The following FARP1 variants were observed in gnomAD, a reference collection of about 807,000 sequenced individuals.
FARP1 encodes FERM, ARH/RhoGEF and pleckstrin domain protein 1.
In FARP1, 52 loss-of-function variants were observed where a neutral mutation model predicts 128.8. That is an observed-to-expected ratio of 0.40 (90% CI 0.32 to 0.51). FARP1 has a LOEUF of 0.51. Among genes scored for constraint, FARP1 ranks in the 20% least tolerant of loss-of-function variants. FARP1 has a pLI of 0.45. For missense variants in FARP1, 1,333 were observed against 1,367.9 expected, an observed-to-expected ratio of 0.97 and a Z score of 0.40; for synonymous variants, 580 against 551.8, an observed-to-expected ratio of 1.05 and a Z score of -0.72.
At chr13:98,291,944 G>A (rs1036205384) in intron 2 of FARP1, among the ~76,000 whole-genome samples, 1 of 152,228 alleles carries the variant, frequency 6.6e-6, no homozygotes, top group African/African-American at 2.4e-5. Flanking sequence ...GAGAGTCCTT[G>A]GTGGGGAAAC....
At chr13:98,316,564 C>G (rs1886730178) in intron 2 of FARP1, among the ~76,000 whole-genome samples, 2 of 152,326 alleles carry the variant, frequency 1.3e-5, no homozygotes, top group Middle Eastern at 6.8e-3. Context: ...AGCTCAGCCT[C>G]CAGCAGCCAT....
intron 2 of FARP1, among the ~76,000 whole-genome samples, chr13:98,214,256 G>C (rs1880925999): frequency 6.6e-6 from 1 of 152,216 alleles, no homozygotes; most frequent in Non-Finnish European, 1.5e-5. Context: ...CTTATTCCCG[G>C]CAGGAGAGGA....
intron 9 of FARP1, among the ~76,000 whole-genome samples, chr13:98,389,150 G>A (rs1486237812): frequency 6.6e-6 from 1 of 152,230 alleles, no homozygotes; most frequent in Non-Finnish European, 1.5e-5. Flanking sequence ...TCTGGGTTCA[G>A]TAGGTTTTCA....
chr13:98,280,644 G>A (rs1401571243), intron 2 of FARP1, among the ~76,000 whole-genome samples: 2 of 152,128 alleles, frequency 1.3e-5, no homozygotes, highest in Admixed American at 1.3e-4. Context: ...GGGGGTTTCT[G>A]TTCACAGACA....
intron 1 of FARP1, among the ~76,000 whole-genome samples, chr13:98,195,627 G>T (rs528561365): frequency 6.6e-6 from 1 of 152,316 alleles, no homozygotes; most frequent in Admixed American, 6.5e-5. Flanking sequence ...TGGGTACTCA[G>T]TGTATTCTCT....
intron 1 of FARP1, among the ~76,000 whole-genome samples, chr13:98,175,011 T>A (rs899040510): frequency 2.0e-5 from 3 of 152,086 alleles, no homozygotes; most frequent in Admixed American, 1.3e-4. Flanking sequence ...CAAAATCACG[T>A]GGAAAGTTTT....
intron 2 of FARP1, among the ~76,000 whole-genome samples, chr13:98,287,375 G>A (rs11617935): frequency 1.4e-4 from 21 of 150,520 alleles, no homozygotes; most frequent in Non-Finnish European, 2.2e-4. Context: ...GACTACAGGC[G>A]CCCGCCACCA....
At chr13:98,444,097 G>A (rs1033566336) in intron 24 of FARP1, among the ~76,000 whole-genome samples, 9 of 147,690 alleles carry the variant, frequency 6.1e-5, no homozygotes, top group East Asian at 2.0e-4. Context: ...TGGTGGCTGC[G>A]GCAGTCTTCT....
chr13:98,241,214 G>C (rs1882752251), intron 2 of FARP1, among the ~76,000 whole-genome samples: 1 of 152,162 alleles, frequency 6.6e-6, no homozygotes, highest in Non-Finnish European at 1.5e-5. Flanking sequence ...TTTCAAGAAG[G>C]CTGTGGGTGT....
At position 98,176,373 on chromosome 13, in the gene FARP1, C is replaced by A; in HGVS notation, c.-24+32881C>A. 6.2e-7 allele frequency: 1 copy of A among 1,614,178 alleles called. No individual in the cohort carries two copies. The highest frequency in any genetic ancestry group is 1.1e-5 in the South Asian group (1 of 91,084). On this transcript the variant is annotated intron_variant, in intron 1 of 26. Coordinates refer to ENST00000319562, the MANE Select transcript of FARP1 (RefSeq NM_005766.4). The surrounding 1 kb of genome is among the most constrained non-coding windows in gnomAD (Gnocchi z 6.2). Reference sequence around the variant, plus strand: ...TTGGCTGGTCACAGATGTAGCAGCGCGGGGTGGCCCGGAAGTGCTCCAGCG... The same window carrying A: ...TTGGCTGGTCACAGATGTAGCAGCGAGGGGTGGCCCGGAAGTGCTCCAGCG...
intron 24 of FARP1, among the ~76,000 whole-genome samples, chr13:98,441,583 C>T (rs1892526536): frequency 6.6e-6 from 1 of 152,166 alleles, no homozygotes; most frequent in Non-Finnish European, 1.5e-5. Flanking sequence ...GGTGCGGGAC[C>T]CTTTCTACAG....
At chr13:98,202,146 C>T (rs1471739785) in intron 1 of FARP1, among the ~76,000 whole-genome samples, 1 of 152,208 alleles carries the variant, frequency 6.6e-6, no homozygotes, top group Non-Finnish European at 1.5e-5. Context: ...TCTAGTTTAT[C>T]TCCACCCCAG....
chr13:98,353,063 G>A (rs942568006), intron 3 of FARP1, among the ~76,000 whole-genome samples: 2 of 152,136 alleles, frequency 1.3e-5, no homozygotes, highest in Non-Finnish European at 2.9e-5. Flanking sequence ...CTTTTAACCA[G>A]ATCTCCCATG....
intron 1 of FARP1, among the ~76,000 whole-genome samples, chr13:98,170,772 GT>G (rs1244671665): frequency 6.6e-6 from 1 of 152,170 alleles, no homozygotes; most frequent in Non-Finnish European, 1.5e-5. Context: ...AATTACAGGT[GT>G]GAGCCACCGC....
intron 1 of FARP1, among the ~76,000 whole-genome samples, chr13:98,145,452 C>G (rs1875459496): frequency 6.6e-6 from 1 of 152,188 alleles, no homozygotes; most frequent in African/African-American, 2.4e-5. Context: ...CCAGACTTAT[C>G]AAAGAAGATC....
At chr13:98,185,597 C>T (rs1878806857) in intron 1 of FARP1, among the ~76,000 whole-genome samples, 1 of 151,186 alleles carries the variant, frequency 6.6e-6, no homozygotes, top group South Asian at 2.1e-4. Context: ...GCATAGGTTC[C>T]TTTAGAAACC....
chr13:98,424,552 C>CTGAT lies in FARP1; in HGVS notation c.1827-20_1827-19insTGAT. On this transcript the variant is annotated intron_variant, in intron 16 of 26. Coordinates refer to ENST00000319562, the MANE Select transcript of FARP1 (RefSeq NM_005766.4). ...CACTACTGATGCTTTGTATTTCCAA[C>CTGAT]CCTTTGCTTTTGCTCTCAGGGAAGG... 6.5e-7 allele frequency: 1 copy of CTGAT among 1,547,538 alleles called. No individual in the cohort carries two copies. Among genetic ancestry groups the CTGAT allele is most frequent in the Admixed American group, 1.7e-5 (1 of 59,926 alleles).
chr13:98,299,307 C>G (rs1166208006), intron 2 of FARP1, among the ~76,000 whole-genome samples: 1 of 152,110 alleles, frequency 6.6e-6, no homozygotes, highest in Non-Finnish European at 1.5e-5. Flanking sequence ...CTCTTCCTCT[C>G]TATCCTCACA....
intron 2 of FARP1, among the ~76,000 whole-genome samples, chr13:98,303,694 A>G (rs1381550875): frequency 6.6e-6 from 1 of 152,238 alleles, no homozygotes; most frequent in African/African-American, 2.4e-5. Flanking sequence ...AGATTTATGT[A>G]TATGGGAAAA....
Sources: allele counts gnomAD v4.1 joint callset (sites outside exome capture counted in the v4.1 genomes callset), GRCh38; gene constraint gnomAD v4.1.1; non-coding constraint Gnocchi (gnomAD v3.1); transcripts MANE v1.5; gene names NCBI Gene and HGNC (gene_info 2026-07-23, HGNC 2026-07-21).